Variants in DYSF observed in about 807,000 individuals in gnomAD.
DYSF encodes dystrophy-associated fer-1-like 1.
Under a neutral mutation model 274.9 loss-of-function variants are expected in DYSF, and 212 were observed. The ratio of observed to expected loss-of-function variants is 0.77; its 90% CI spans 0.69 to 0.86. DYSF has a LOEUF of 0.86. Ranked by LOEUF, DYSF falls within the 40% of genes least tolerant of loss-of-function variation. The pLI, the probability that DYSF is intolerant of heterozygous loss-of-function variation, is 0.00. For synonymous variants in DYSF, 1,091 were observed against 1,078.7 expected (o/e 1.01, Z -0.22); for missense variants, 2,666 against 2,783.2 (o/e 0.96, Z 0.95).
At chr2:71,478,093 G>T (rs2082542344) in intron 1 of DYSF, among the ~76,000 whole-genome samples, 1 of 149,084 alleles carries the variant, frequency 6.7e-6, no homozygotes, top group African/African-American at 2.5e-5. Flanking sequence ...ATATTTATTG[G>T]GCTTATTGTG....
At chr2:71,660,841 A>G (rs1016402469) in intron 45 of DYSF, among the ~76,000 whole-genome samples, 190 bp downstream of exon 45, 4 of 152,174 alleles carry the variant, frequency 2.6e-5, no homozygotes, top group Admixed American at 2.0e-4. Context: ...CTTGATCCCA[A>G]CAGAAGCTCC....
At chr2:71,655,587 G>C (rs227785) in intron 42 of DYSF, among the ~76,000 whole-genome samples, 129,821 of 152,258 alleles carry the variant, frequency 0.85, 55,494 homozygotes, top group Middle Eastern at 0.9. Context: ...ACAAGTAAAT[G>C]AATTGAGCTA....
At position 71,551,532 on chromosome 2, in the gene DYSF, G is replaced by A. The variant is rs555607364; in HGVS notation, c.1693-75G>A. On this transcript the variant is annotated intron_variant, in intron 18 of 55. Coordinates refer to ENST00000410020, the MANE Select transcript of DYSF (RefSeq NM_001130987.2). Reference sequence around the variant, plus strand: ...GTGCCTGAGAGATGAGCTACCTCAGGGCCAGAGGGTGCCCCTTTCCTTCCC... The same window carrying A: ...GTGCCTGAGAGATGAGCTACCTCAGAGCCAGAGGGTGCCCCTTTCCTTCCC... 142 of 1,312,476 alleles carry A rather than the reference G, an allele frequency of 1.1e-4. 5 individuals carry two copies. In the South Asian group the frequency reaches 1.7e-3, roughly 16 times the overall value. The allele number at this position is 1,312,476 out of a possible 1,614,324, so 81.3% of individuals were successfully genotyped here. A position where few individuals can be genotyped will look rare whatever the true frequency, so the allele number is the denominator to read the frequency against.
chr2:71,616,663 C>T (rs998293219), intron 40 of DYSF, among the ~76,000 whole-genome samples: 2 of 152,040 alleles, frequency 1.3e-5, no homozygotes, highest in Non-Finnish European at 2.9e-5. Flanking sequence ...TAGTTCTCTG[C>T]TTTAGAAAAC....
chr2:71,509,454 A>T (rs952220542), intron 4 of DYSF, among the ~76,000 whole-genome samples: 1 of 152,096 alleles, frequency 6.6e-6, no homozygotes, highest in African/African-American at 2.4e-5. Flanking sequence ...GAGCCACTGT[A>T]CCTGGCCGTA....
Position 71,665,302 on chromosome 2 carries a change from T to C in DYSF, c.5315T>C (p.Ile1772Thr), listed in dbSNP as rs866367366. 14 of 1,613,988 alleles carry C rather than the reference T, an allele frequency of 8.7e-6. No individual in the cohort carries two copies. In the African/African-American group the frequency reaches 1.5e-4, roughly 17 times the overall value. ...FQDKEYSIEE[I>T]EAGRIPNPHL... ...GATAAAGAATATTCCATTGAAGAGA[T>C]AGGTGAGCTGCCACATGACCCCAAA... The change falls in exon 47 of 56, where the codon ATA (isoleucine) becomes ACA (threonine). Residue 1772 changes from isoleucine to threonine, a missense_variant and splice_region_variant. Ile to Thr is a moderately conservative substitution (Grantham distance 89). Transcript: ENST00000410020.
chr2:71,508,333 G>A (rs942424333), intron 4 of DYSF, among the ~76,000 whole-genome samples: 2 of 152,052 alleles, frequency 1.3e-5, no homozygotes, highest in Non-Finnish European at 2.9e-5. Flanking sequence ...AAATTAACAT[G>A]GACACAGCAC....
At chr2:71,666,895 G>A (rs1374219851) in intron 47 of DYSF, among the ~76,000 whole-genome samples, 2 of 152,230 alleles carry the variant, frequency 1.3e-5, no homozygotes, top group East Asian at 1.9e-4. Flanking sequence ...TGTGTGGCAC[G>A]TGGTTCCTGC....
chr2:71,480,839 A>G (rs374208536), intron 1 of DYSF, 44 bp from the exon 2 acceptor site: 4 of 1,579,562 alleles, frequency 2.5e-6, no homozygotes, highest in African/African-American at 2.7e-5. Flanking sequence ...GGAAGGTGAA[A>G]GGCGGGATGT....
intron 8 of DYSF, 77 bp from the exon 9 acceptor site, chr2:71,516,103 G>A: frequency 3.5e-6 from 5 of 1,408,696 alleles, no homozygotes; most frequent in Non-Finnish European, 4.0e-6. Flanking sequence ...TGGAGGCTTG[G>A]GGGTGGTGGT....
chr2:71,507,206 T>G (rs759138983), intron 4 of DYSF, among the ~76,000 whole-genome samples: 77 of 152,028 alleles, frequency 5.1e-4, no homozygotes, highest in Admixed American at 2.6e-4. Flanking sequence ...CCAGGTGGTG[T>G]GCAGTGAGTG....
At chr2:71,589,754 A>G (rs1039818031) in intron 31 of DYSF, 68 bp downstream of exon 31, 25 of 1,438,392 alleles carry the variant, frequency 1.7e-5, no homozygotes, top group Non-Finnish European at 2.4e-5. Flanking sequence ...GTTTGGATGG[A>G]GTTATACGAT....
chr2:71,495,642 C>T (rs1401563702), intron 3 of DYSF, among the ~76,000 whole-genome samples: 1 of 152,122 alleles, frequency 6.6e-6, no homozygotes, highest in Non-Finnish European at 1.5e-5. Context: ...CTTTTTCAGT[C>T]TGAGCCGTAC....
chr2:71,477,515 C>T (rs2082487678), intron 1 of DYSF, among the ~76,000 whole-genome samples: 1 of 151,974 alleles, frequency 6.6e-6, no homozygotes, highest in African/African-American at 2.4e-5. Context: ...AGGCAGATTG[C>T]TCAATCTCCC....
At position 71,656,795 on chromosome 2, in the gene DYSF, A is replaced by C. The variant is rs189420162; in HGVS notation, c.4755+505A>C. ...TATTCACCACCACGAGAATAGCACGAGAAAGACTGGCCCCCATGATTCAGT... is the reference window on the plus strand; with the variant it reads ...TATTCACCACCACGAGAATAGCACGCGAAAGACTGGCCCCCATGATTCAGT... On this transcript the variant is annotated intron_variant, in intron 43 of 55. Coordinates refer to ENST00000410020, the MANE Select transcript of DYSF (RefSeq NM_001130987.2). Among the ~76,000 whole-genome samples the C allele has an allele frequency of 1.6e-4, 24 of 152,244 alleles. No individual in the cohort carries two copies. The East Asian group carries it at 4.4e-3, about 28-fold the overall frequency.
chr2:71,672,332 C>T (rs536840519), intron 51 of DYSF, among the ~76,000 whole-genome samples: 195 of 152,304 alleles, frequency 1.3e-3, no homozygotes, highest in Middle Eastern at 3.4e-3. Context: ...TGGATGGGTT[C>T]GTGCAGGGGC....
chr2:71,651,609 A>G (rs2094662454), intron 42 of DYSF, among the ~76,000 whole-genome samples: 1 of 152,158 alleles, frequency 6.6e-6, no homozygotes, highest in African/African-American at 2.4e-5. Flanking sequence ...CCTGTGCTAT[A>G]TGTAGTATTT....
intron 20 of DYSF, 44 bp from the exon 21 acceptor site, chr2:71,553,763 C>A: frequency 6.6e-7 from 1 of 1,516,388 alleles, no homozygotes; most frequent in Non-Finnish European, 9.0e-7. Flanking sequence ...TCCCACCCGC[C>A]CTCCACTCCT....
intron 19 of DYSF, among the ~76,000 whole-genome samples, chr2:71,552,289 C>G (rs561934804): frequency 5.1e-4 from 77 of 152,320 alleles, no homozygotes; most frequent in Non-Finnish European, 9.6e-4. Flanking sequence ...CTAGCACTTA[C>G]CGGCTGCATC....
Sources: gnomAD v4.1 joint callset for allele counts (sites outside exome capture counted in the v4.1 genomes callset) on GRCh38, gnomAD v4.1.1 for gene constraint, MANE v1.5 for transcripts, NCBI Gene and HGNC (gene_info 2026-07-23, HGNC 2026-07-21) for gene names.